Variants in NCAPG2 observed in about 807,000 individuals in gnomAD.
NCAPG2 encodes the protein condensin-2 complex subunit G2.
A neutral mutation model predicts 141.1 loss-of-function variants in NCAPG2; 53 were observed. The observed-to-expected ratio is 0.38, with a 90% CI of 0.30 to 0.47. The LOEUF is 0.47. NCAPG2 is among the 20% of genes least tolerant of loss of function. The probability of loss-of-function intolerance (pLI) is 0.99; values close to 1 mark genes in which losing one functional copy is unlikely to be tolerated. For synonymous variants in NCAPG2, 499 were observed against 490.7 expected, an observed-to-expected ratio of 1.02 and a Z score of -0.22; for missense variants, 1,087 against 1,389.0, an observed-to-expected ratio of 0.78 and a Z score of 3.46.
In NCAPG2 at chr7:158,644,341, T is replaced by G. The variant is rs1413318855; in HGVS notation, c.3328A>C (p.Arg1110=). ...ATTTCCATGAATGTCTTTAGTTTTCTGTGAACAGTGGCTGCAACCTCCCTC... is the reference window on the plus strand; with the variant it reads ...ATTTCCATGAATGTCTTTAGTTTTCGGTGAACAGTGGCTGCAACCTCCCTC... ...KVREVAATVH[R]KLKTFMEITL... The change falls in exon 27 of 28, where the codon AGA becomes CGA. Residue 1110 remains arginine (R), a synonymous_variant. Transcript: ENST00000356309. 2 of 1,614,028 alleles carry G rather than the reference T, an allele frequency of 1.2e-6. No individual in the cohort carries two copies. The highest frequency in any genetic ancestry group is 1.3e-5 in the African/African-American group (1 of 74,944).
chr7:158,703,658 T>C (rs1835950983), intron 1 of NCAPG2: 1 of 152,200 alleles, frequency 6.6e-6, no homozygotes, highest in Non-Finnish European at 1.5e-5. Context: ...ACCATCCAGT[T>C]ATCAGTCCGA....
chr7:158,646,835 C>G (rs1178021311), intron 24 of NCAPG2, among the ~76,000 whole-genome samples: 3 of 152,012 alleles, frequency 2.0e-5, no homozygotes, highest in Non-Finnish European at 4.4e-5. Flanking sequence ...CAAGATCAGG[C>G]TAGTCAACAT....
intron 11 of NCAPG2, among the ~76,000 whole-genome samples, chr7:158,678,390 C>A (rs1834231153): frequency 6.6e-6 from 1 of 152,126 alleles, no homozygotes; most frequent in South Asian, 2.1e-4. Flanking sequence ...TCCTACACAG[C>A]CCACAGTGCT....
intron 24 of NCAPG2, among the ~76,000 whole-genome samples, chr7:158,647,646 G>A (rs1587087794): frequency 6.6e-6 from 1 of 151,620 alleles, no homozygotes; most frequent in African/African-American, 2.4e-5. Context: ...TGTTAGGCCC[G>A]ATTCTTGGCT....
At chr7:158,635,098 A>G (rs1391995012) in intron 27 of NCAPG2, among the ~76,000 whole-genome samples, 1 of 152,154 alleles carries the variant, frequency 6.6e-6, no homozygotes, top group African/African-American at 2.4e-5. Flanking sequence ...AGCAGAATCA[A>G]TTTTTTGAGA....
chr7:158,677,335 TA>T (rs1834120450), intron 11 of NCAPG2, among the ~76,000 whole-genome samples: 2 of 151,802 alleles, frequency 1.3e-5, no homozygotes, highest in East Asian at 3.9e-4. Flanking sequence ...CCACAGAAAC[TA>T]AGGGAAGTCC....
intron 2 of NCAPG2, among the ~76,000 whole-genome samples, chr7:158,694,133 C>T (rs1030513993): frequency 1.3e-5 from 2 of 152,152 alleles, no homozygotes; most frequent in Non-Finnish European, 2.9e-5. Flanking sequence ...GCCAAGCCAA[C>T]CACTCTGGGA....
At chr7:158,641,350 A>G in intron 27 of NCAPG2, 1 of 412,434 alleles carries the variant, frequency 2.4e-6, no homozygotes, top group East Asian at 3.5e-5. Context: ...TTGTCAGAGA[A>G]GATCAAAAAA....
intron 17 of NCAPG2, among the ~76,000 whole-genome samples, chr7:158,657,931 T>C (rs1360356477): frequency 6.6e-6 from 1 of 151,912 alleles, no homozygotes; most frequent in Non-Finnish European, 1.5e-5. Context: ...AGATGTGCTT[T>C]GTTAAACAGA....
At chr7:158,667,548 C>CCT (rs1176825001) in intron 13 of NCAPG2, among the ~76,000 whole-genome samples, 1 of 32,188 alleles carries the variant, frequency 3.1e-5, no homozygotes, top group African/African-American at 1.6e-4. Context: ...GGCCCTCCAC[C>CCT]CGCTTACCCA....
chr7:158,686,412 G>A (rs543968389), intron 7 of NCAPG2, among the ~76,000 whole-genome samples, 171 bp from the exon 8 acceptor site: 8 of 152,282 alleles, frequency 5.3e-5, no homozygotes, highest in Admixed American at 1.3e-4. Flanking sequence ...AGTAGAAAAC[G>A]GAGAAGGTTT....
chr7:158,640,576 A>C (rs1830575690), intron 27 of NCAPG2: 1 of 152,198 alleles, frequency 6.6e-6, no homozygotes, highest in Non-Finnish European at 1.5e-5. Context: ...GAGAGAAAAA[A>C]ATTCATCAAC....
intron 13 of NCAPG2, among the ~76,000 whole-genome samples, 166 bp downstream of exon 13, chr7:158,671,348 T>C (rs1402182901): frequency 6.6e-6 from 1 of 152,250 alleles, no homozygotes; most frequent in Admixed American, 6.5e-5. Context: ...TGATAATATT[T>C]CTAGAACCTT....
At chr7:158,667,487 C>A (rs1331576893) in intron 13 of NCAPG2, among the ~76,000 whole-genome samples, 3 of 143,332 alleles carry the variant, frequency 2.1e-5, no homozygotes, top group Non-Finnish European at 4.6e-5. Flanking sequence ...CTGGGTCCCT[C>A]CGCCCGCCTT....
Position 158,654,635 on chromosome 7 carries a change from C to T in NCAPG2, c.2706G>A (p.Gln902=), listed in dbSNP as rs1563514666. Residue 902 remains glutamine, a synonymous_variant, in exon 22 of 28, where the codon CAG becomes CAA. Transcript: ENST00000356309. ...CAAGACTCCGCTGTAAGAGTTGCATCTGAAACTGATGGTCACCAAGGCCTA... is the reference window on the plus strand; with the variant it reads ...CAAGACTCCGCTGTAAGAGTTGCATTTGAAACTGATGGTCACCAAGGCCTA... ...VMVGLGDHQF[Q]MQLLQRSLGI... The T allele has an allele frequency of 6.2e-7, 1 of 1,614,104 alleles. No homozygotes were observed. Among genetic ancestry groups the T allele is most frequent in the East Asian group, 2.2e-5 (1 of 44,884 alleles).
chr7:158,645,838 C>T (rs772199989), intron 25 of NCAPG2, among the ~76,000 whole-genome samples: 5 of 152,200 alleles, frequency 3.3e-5, no homozygotes, highest in Non-Finnish European at 7.4e-5. Context: ...GGATGCTGTG[C>T]TGAGTGAAAA....
intron 8 of NCAPG2, among the ~76,000 whole-genome samples, chr7:158,685,228 C>T (rs1274212069): frequency 6.6e-6 from 1 of 152,144 alleles, no homozygotes; most frequent in Non-Finnish European, 1.5e-5. Flanking sequence ...AACATAAATA[C>T]TATGTATTCA....
chr7:158,697,726 G>A (rs982982083), intron 2 of NCAPG2, among the ~76,000 whole-genome samples: 1 of 152,014 alleles, frequency 6.6e-6, no homozygotes, highest in African/African-American at 2.4e-5. Flanking sequence ...TAAAGAAAAT[G>A]TGGTACATAT....
chr7:158,664,518 C>G lies in NCAPG2; in HGVS notation c.1702+10G>C. On this transcript the variant is annotated intron_variant, in intron 14 of 27. Coordinates refer to ENST00000356309, the MANE Select transcript of NCAPG2 (RefSeq NM_017760.7). ...CATAACAAGAACTGAGAAATAACAG[C>G]ACTCCCTACCTATGTTGGTGCAGGC... The G allele has an allele frequency of 6.2e-7, 1 of 1,611,168 alleles. No homozygotes were observed. The highest frequency in any genetic ancestry group is 8.5e-7 in the Non-Finnish European group (1 of 1,178,050).
Sources: gnomAD v4.1 joint callset for allele counts (sites outside exome capture counted in the v4.1 genomes callset) on GRCh38, gnomAD v4.1.1 for gene constraint, MANE v1.5 for transcripts, NCBI Gene and HGNC (gene_info 2026-07-23, HGNC 2026-07-21) for gene names.